TTLL11: variants seen among roughly 807,000 people sequenced by gnomAD.
TTLL11 encodes tubulin tyrosine ligase like 11.
TTLL11 carries 42 observed loss-of-function variants against 51.7 expected under a neutral mutation model. That is an observed-to-expected ratio of 0.81 (90% CI 0.64 to 1.05). The LOEUF is 1.05. TTLL11 is among the 50% of genes least tolerant of loss of function. The pLI, the probability that TTLL11 is intolerant of heterozygous loss-of-function variation, is 0.00. For missense variants in TTLL11, 799 were observed against 940.4 expected, an observed-to-expected ratio of 0.85 and a Z score of 1.97; for synonymous variants, 381 against 383.5, an observed-to-expected ratio of 0.99 and a Z score of 0.08.
At chr9:121,868,128 C>T (rs2131392873) in intron 7 of TTLL11, among the ~76,000 whole-genome samples, 1 of 152,154 alleles carries the variant, frequency 6.6e-6, no homozygotes, top group African/African-American at 2.4e-5. Flanking sequence ...GCCTTTGCTC[C>T]AAAGATCTGT....
chr9:121,986,126 A>G (rs902113672), intron 4 of TTLL11, among the ~76,000 whole-genome samples: 2 of 152,170 alleles, frequency 1.3e-5, no homozygotes, highest in African/African-American at 2.4e-5. Context: ...GCAGTGGGAA[A>G]CAGTCCCAAG....
In TTLL11 at chr9:122,013,611, C is replaced by A. The variant is rs1843880377; in HGVS notation, c.693+18112G>T. On this transcript the variant is annotated intron_variant, in intron 3 of 8. Coordinates refer to ENST00000321582, the MANE Select transcript of TTLL11 (RefSeq NM_001139442.2). ...CCAATATCTGCTAGTCTCAGCGAAT[C>A]ACACCACAGGGATTGTGCAGGAATG... Among the ~76,000 whole-genome samples, 3 of 152,186 alleles carry A rather than the reference C, an allele frequency of 2.0e-5. No homozygotes were observed. In the South Asian group the frequency reaches 6.2e-4, roughly 32 times the overall value.
intron 3 of TTLL11, among the ~76,000 whole-genome samples, chr9:122,017,566 A>T (rs992837754): frequency 1.3e-5 from 2 of 151,140 alleles, no homozygotes; most frequent in African/African-American, 4.9e-5. Context: ...TGTTTCAAAC[A>T]ATTCTCCTGC....
At chr9:121,943,465 G>C (rs1299692222) in intron 6 of TTLL11, among the ~76,000 whole-genome samples, 1 of 152,138 alleles carries the variant, frequency 6.6e-6, no homozygotes, top group Non-Finnish European at 1.5e-5. Context: ...TCTCCCACTT[G>C]TTAATGCCCA....
At chr9:122,031,187 G>A (rs1489442631) in intron 3 of TTLL11, among the ~76,000 whole-genome samples, 1 of 152,190 alleles carries the variant, frequency 6.6e-6, no homozygotes, top group Non-Finnish European at 1.5e-5. Context: ...AGTGGTGAGG[G>A]CTCCAGTGTA....
At chr9:122,018,109 CTTTTTTTTTT>C (rs386416144) in intron 3 of TTLL11, among the ~76,000 whole-genome samples, 2 of 121,572 alleles carry the variant, frequency 1.6e-5, no homozygotes, top group African/African-American at 6.5e-5. Flanking sequence ...AATAATGCCA[CTTTTTTTTTT>C]TTTTTTTTTT....
At chr9:122,026,523 T>C (rs1390769550) in intron 3 of TTLL11, among the ~76,000 whole-genome samples, 1 of 152,016 alleles carries the variant, frequency 6.6e-6, no homozygotes, top group Non-Finnish European at 1.5e-5. Flanking sequence ...ATGTTCATTA[T>C]CTTGATTGTG....
At chr9:122,063,174 C>T (rs1250091411) in intron 1 of TTLL11, among the ~76,000 whole-genome samples, 1 of 152,246 alleles carries the variant, frequency 6.6e-6, no homozygotes, top group East Asian at 1.9e-4. Context: ...CAATGTGTGT[C>T]TTTTTGAAAG....
In TTLL11 at chr9:121,862,167, C is replaced by G. The variant is rs151289710; in HGVS notation, c.1734-1724G>C. Among the ~76,000 whole-genome samples, 329 of 152,006 alleles carry G rather than the reference C, an allele frequency of 2.2e-3. 1 individual carries two copies. The highest frequency in any genetic ancestry group is 7.6e-3 in the African/African-American group (314 of 41,460). On this transcript the variant is annotated intron_variant, in intron 7 of 8. Coordinates refer to ENST00000321582, the MANE Select transcript of TTLL11 (RefSeq NM_001139442.2). Reference sequence around the variant, plus strand: ...AGGGGTGTTTAGAATCCTCCTACCCCTCCCCAGCTTTTTTTTTTTTTGGTC... The same window carrying G: ...AGGGGTGTTTAGAATCCTCCTACCCGTCCCCAGCTTTTTTTTTTTTTGGTC...
rs1037850040 is a variant in TTLL11 at position 121,816,711 on chromosome 9, A to G, written c.*5876T>C. 1.3e-5 allele frequency: 2 copies of G among 151,924 alleles called. No individual in the cohort carries two copies. The highest frequency in any genetic ancestry group is 4.8e-5 in the African/African-American group (2 of 41,316). 9.4% of individuals were successfully genotyped at this position (151,924 alleles called of 1,614,324 possible). A position where few individuals can be genotyped will look rare whatever the true frequency, so the allele number is the denominator to read the frequency against. ...ATCGTGTGTGCGTGCGTGTGTGTGC[A>G]TGCATGCGCGCGTGTGTGTATAAGC... is the stretch of plus-strand genomic sequence containing the variant. On this transcript the variant is annotated 3_prime_UTR_variant, in exon 9 of 9. Coordinates refer to ENST00000321582, the MANE Select transcript of TTLL11 (RefSeq NM_001139442.2).
chr9:121,963,365 C>T (rs922271197), intron 6 of TTLL11, among the ~76,000 whole-genome samples: 1 of 152,206 alleles, frequency 6.6e-6, no homozygotes, highest in African/African-American at 2.4e-5. Context: ...CTAAGCCCAG[C>T]ATGTGCTGTG....
In TTLL11 at chr9:121,816,720, CGCGTGT is replaced by C. The variant is rs1836423811; in HGVS notation, c.*5861_*5866del. ...GCGTGCGTGTGTGTGCATGCATGCG[CGCGTGT>C]GTGTATAAGCATTATGCTGCGTGGT... On this transcript the variant is annotated 3_prime_UTR_variant, in exon 9 of 9. Coordinates refer to ENST00000321582, the MANE Select transcript of TTLL11 (RefSeq NM_001139442.2). 1 of 151,698 alleles carries C rather than the reference CGCGTGT, an allele frequency of 6.6e-6. No homozygotes were observed. The highest frequency in any genetic ancestry group is 1.5e-5 in the Non-Finnish European group (1 of 67,962). 9.4% of individuals were successfully genotyped at this position (151,698 alleles called of 1,614,324 possible). A position where few individuals can be genotyped will look rare whatever the true frequency, so the allele number is the denominator to read the frequency against.
intron 8 of TTLL11, among the ~76,000 whole-genome samples, chr9:121,841,003 GAGGTGTGC>G (rs1402375439): frequency 3.3e-5 from 5 of 152,202 alleles, no homozygotes; most frequent in African/African-American, 1.2e-4. Flanking sequence ...GACGGCTGGG[GAGGTGTGC>G]CTGGAATCAA....
intron 8 of TTLL11, among the ~76,000 whole-genome samples, chr9:121,824,933 G>A (rs923077118): frequency 5.3e-5 from 8 of 152,350 alleles, no homozygotes; most frequent in Middle Eastern, 3.4e-3. Flanking sequence ...GCTGGGCAAA[G>A]AAGTTGTGTT....
At chr9:122,015,261 T>C (rs1843929251) in intron 3 of TTLL11, among the ~76,000 whole-genome samples, 1 of 152,120 alleles carries the variant, frequency 6.6e-6, no homozygotes, top group African/African-American at 2.4e-5. Context: ...GAGTTTCAGA[T>C]GATATCGTTT....
chr9:121,981,277 C>G (rs1842822731), intron 4 of TTLL11, among the ~76,000 whole-genome samples: 1 of 151,980 alleles, frequency 6.6e-6, no homozygotes, highest in South Asian at 2.1e-4. Context: ...TAATTTTGGA[C>G]ACATTCTATT....
Position 122,067,770 on chromosome 9 carries a change from C to T in TTLL11, c.462+24917G>A, listed in dbSNP as rs370761108. 3.7e-3 allele frequency among the ~76,000 whole-genome samples: 570 copies of T among 152,248 alleles called. 2 individuals are homozygous for T. Among genetic ancestry groups the T allele is most frequent in the Middle Eastern group, 6.8e-3 (2 of 294 alleles). ...CACCCACCTCTGCCTCCCAAAGTGC[C>T]GGGATTGCAGGTGTGAGCCACCATG... is the stretch of plus-strand genomic sequence containing the variant. On this transcript the variant is annotated intron_variant, in intron 1 of 8. Coordinates refer to ENST00000321582, the MANE Select transcript of TTLL11 (RefSeq NM_001139442.2).
chr9:122,069,597 G>C (rs544677279), intron 1 of TTLL11, among the ~76,000 whole-genome samples: 1 of 152,104 alleles, frequency 6.6e-6, no homozygotes, highest in Admixed American at 6.5e-5. Context: ...CGGGAGAATC[G>C]CTTGAACCCA....
Position 122,071,585 on chromosome 9 carries a change from C to T in TTLL11, c.462+21102G>A, listed in dbSNP as rs1463001628. 4.6e-5 allele frequency among the ~76,000 whole-genome samples: 7 copies of T among 152,140 alleles called. 1 individual carries two copies. Among genetic ancestry groups the T allele is most frequent in the Admixed American group, 3.3e-4 (5 of 15,284 alleles). Reference sequence around the variant, plus strand: ...AGACACCAGCAAGCCTCGCTCTCCCCAGCACTGCTGCCGCCCCCCAGCCCA... The same window carrying T: ...AGACACCAGCAAGCCTCGCTCTCCCTAGCACTGCTGCCGCCCCCCAGCCCA... On this transcript the variant is annotated intron_variant, in intron 1 of 8. Transcript: ENST00000321582.
Sources: gnomAD v4.1 joint callset for allele counts (sites outside exome capture counted in the v4.1 genomes callset) on GRCh38, gnomAD v4.1.1 for gene constraint, MANE v1.5 for transcripts, NCBI Gene and HGNC (gene_info 2026-07-23, HGNC 2026-07-21) for gene names.